TMEM45A: variants seen among roughly 807,000 people sequenced by gnomAD.
TMEM45A encodes DNA polymerase-transactivated protein 4.
A neutral mutation model predicts 32.0 loss-of-function variants in TMEM45A; 25 were observed. The observed-to-expected ratio is 0.78, with a 90% CI of 0.57 to 1.09. The LOEUF is 1.09. TMEM45A is among the 50% of genes least tolerant of loss of function. TMEM45A has a pLI of 0.00. For missense variants in TMEM45A, 302 were observed against 325.0 expected, an observed-to-expected ratio of 0.93 and a Z score of 0.54; for synonymous variants, 122 against 114.8, an observed-to-expected ratio of 1.06 and a Z score of -0.40.
intron 1 of TMEM45A, among the ~76,000 whole-genome samples, chr3:100,500,674 T>C (rs1707998029): frequency 6.6e-6 from 1 of 152,240 alleles, no homozygotes; most frequent in East Asian, 1.9e-4. Context: ...TGGGCCCCTC[T>C]GGTGCCATCA....
At chr3:100,524,044 T>C (rs1250098107) in intron 1 of TMEM45A, among the ~76,000 whole-genome samples, 1 of 152,250 alleles carries the variant, frequency 6.6e-6, no homozygotes, top group East Asian at 1.9e-4. Flanking sequence ...TAGCCTGCAA[T>C]AGTCAGATCA....
chr3:100,503,546 G>A (rs187160493), intron 1 of TMEM45A, among the ~76,000 whole-genome samples: 29 of 152,260 alleles, frequency 1.9e-4, no homozygotes, highest in Admixed American at 1.8e-3. Context: ...CAGAAAATTG[G>A]GCCTGTTTCT....
chr3:100,560,515 T>C (rs996390247), intron 4 of TMEM45A, among the ~76,000 whole-genome samples: 1 of 152,192 alleles, frequency 6.6e-6, no homozygotes, highest in South Asian at 2.1e-4. Context: ...TTTCCAAAAA[T>C]ATTCTTTTTT....
chr3:100,528,518 G>A (rs1312631318), intron 1 of TMEM45A, among the ~76,000 whole-genome samples: 1 of 152,196 alleles, frequency 6.6e-6, no homozygotes, highest in Non-Finnish European at 1.5e-5. Flanking sequence ...GGACAGAGGA[G>A]GAGGCAGGAT....
chr3:100,531,723 A>C (rs745780918), intron 1 of TMEM45A, among the ~76,000 whole-genome samples: 2 of 152,228 alleles, frequency 1.3e-5, no homozygotes, highest in African/African-American at 4.8e-5. Flanking sequence ...AATTGAATAG[A>C]GATTTATGCC....
At chr3:100,550,674 G>A (rs547281033) in intron 1 of TMEM45A, among the ~76,000 whole-genome samples, 112 of 152,308 alleles carry the variant, frequency 7.4e-4, no homozygotes, top group African/African-American at 2.4e-3. Context: ...CCTAGTCTGT[G>A]GTTTGTGTGG....
At chr3:100,506,057 G>T (rs1185765951) in intron 1 of TMEM45A, among the ~76,000 whole-genome samples, 1 of 152,200 alleles carries the variant, frequency 6.6e-6, no homozygotes, top group Non-Finnish European at 1.5e-5. Flanking sequence ...GCACCTGTAT[G>T]TGGGGAAACT....
At position 100,556,862 on chromosome 3, in the gene TMEM45A, T is replaced by A; in HGVS notation, c.293T>A (p.Met98Lys). The A allele has an allele frequency of 6.2e-7, 1 of 1,614,186 alleles. No individual in the cohort carries two copies. Among genetic ancestry groups the A allele is most frequent in the Non-Finnish European group, 8.5e-7 (1 of 1,180,010 alleles). The change falls in exon 3 of 6, where the codon ATG (methionine) becomes AAG (lysine). Residue 98 changes from methionine (M) to lysine (K), a missense_variant. Met to Lys is a moderately conservative substitution (Grantham distance 95, BLOSUM62 -1). Coordinates refer to ENST00000323523, the MANE Select transcript of TMEM45A (RefSeq NM_018004.3). ...NQLLGWHHFT[M>K]YFFFGLLGVA... is the part of the protein sequence containing the mutation. Reference sequence around the variant, plus strand: ...CTCCTGGGCTGGCATCATTTCACCATGTATTTCTTCTTTGGGCTGTTGGGT... The same window carrying A: ...CTCCTGGGCTGGCATCATTTCACCAAGTATTTCTTCTTTGGGCTGTTGGGT...
chr3:100,498,345 A>G (rs1707961535), intron 1 of TMEM45A, among the ~76,000 whole-genome samples: 1 of 152,206 alleles, frequency 6.6e-6, no homozygotes, highest in South Asian at 2.1e-4. Context: ...GACTTTGAGT[A>G]TGGCCTCCAT....
intron 1 of TMEM45A, among the ~76,000 whole-genome samples, chr3:100,539,466 T>TGTATAC (rs1576278683): frequency 1.5e-5 from 2 of 136,226 alleles, no homozygotes; most frequent in South Asian, 2.4e-4. Context: ...TATATGTATA[T>TGTATAC]GTATATGTAT....
chr3:100,566,476 C>A (rs1344811430), intron 4 of TMEM45A, among the ~76,000 whole-genome samples: 1 of 152,050 alleles, frequency 6.6e-6, no homozygotes, highest in Non-Finnish European at 1.5e-5. Context: ...AAATGTCTAC[C>A]ATTTATTGGC....
chr3:100,525,875 C>G (rs927669015), intron 1 of TMEM45A, among the ~76,000 whole-genome samples: 1 of 152,160 alleles, frequency 6.6e-6, no homozygotes, highest in Non-Finnish European at 1.5e-5. Flanking sequence ...AGCACTTTTC[C>G]TTCCTTTCTT....
chr3:100,542,250 G>A (rs1201928391), intron 1 of TMEM45A, among the ~76,000 whole-genome samples: 1 of 152,102 alleles, frequency 6.6e-6, no homozygotes, highest in Non-Finnish European at 1.5e-5. Flanking sequence ...GGGAAGTATG[G>A]CCATTTTAAT....
intron 5 of TMEM45A, among the ~76,000 whole-genome samples, chr3:100,569,975 G>A (rs1418408907): frequency 6.6e-6 from 1 of 152,162 alleles, no homozygotes; most frequent in African/African-American, 2.4e-5. Flanking sequence ...CTTTCTCTAA[G>A]GTGGTTAATG....
At position 100,516,971 on chromosome 3, in the gene TMEM45A, G is replaced by A. The variant is rs114731637; in HGVS notation, c.-4+24043G>A. The stretch of plus-strand genomic sequence containing the variant: ...AAACACCCATCCCTGCTCCCAGAGA[G>A]CTCTGGGCCCGCATTTTATGGAGAA... On this transcript the variant is annotated intron_variant, in intron 1 of 5. Coordinates refer to ENST00000323523, the MANE Select transcript of TMEM45A (RefSeq NM_018004.3). Among the ~76,000 whole-genome samples the A allele has an allele frequency of 8.9e-3, 1,353 of 152,216 alleles. 27 individuals carry two copies. The highest frequency in any genetic ancestry group is 0.031 in the African/African-American group (1,307 of 41,532).
intron 1 of TMEM45A, among the ~76,000 whole-genome samples, chr3:100,554,926 A>G (rs1236235755): frequency 6.6e-6 from 1 of 152,240 alleles, no homozygotes; most frequent in Non-Finnish European, 1.5e-5. Context: ...ATTCATGGGT[A>G]TGTTGCATAA....
intron 5 of TMEM45A, among the ~76,000 whole-genome samples, chr3:100,570,358 GCT>G (rs1454784755): frequency 6.6e-6 from 1 of 152,188 alleles, no homozygotes; most frequent in East Asian, 1.9e-4. Flanking sequence ...TGCTGAAGCA[GCT>G]CTGGTGCTGA....
At chr3:100,544,464 C>G (rs1705946632) in intron 1 of TMEM45A, among the ~76,000 whole-genome samples, 1 of 152,108 alleles carries the variant, frequency 6.6e-6, no homozygotes, top group South Asian at 2.1e-4. Context: ...TTGTCACGAT[C>G]AATATATAGA....
intron 1 of TMEM45A, among the ~76,000 whole-genome samples, chr3:100,517,862 T>C (rs1708288977): frequency 6.6e-6 from 1 of 152,260 alleles, no homozygotes; most frequent in Non-Finnish European, 1.5e-5. Flanking sequence ...AAGCCGTTCT[T>C]ACGTGGCATC....
Sources: allele counts gnomAD v4.1 joint callset (sites outside exome capture counted in the v4.1 genomes callset), GRCh38; gene constraint gnomAD v4.1.1; transcripts MANE v1.5; gene names NCBI Gene and HGNC (gene_info 2026-07-23, HGNC 2026-07-21).